The following STX8 variants were observed in gnomAD, a reference collection of about 807,000 sequenced individuals.
The protein encoded by STX8 is syntaxin 8.
Under a neutral mutation model 37.5 loss-of-function variants are expected in STX8, and 23 were observed. That is an observed-to-expected ratio of 0.61 (90% CI 0.44 to 0.87). STX8 has a LOEUF of 0.87. STX8 is among the 40% of genes least tolerant of loss of function. The probability of loss-of-function intolerance (pLI) is 0.00; values close to 1 mark genes in which losing one functional copy is unlikely to be tolerated. For missense variants in STX8, 313 were observed against 284.7 expected (o/e 1.10, Z -0.71); for synonymous variants, 115 against 99.1 (o/e 1.16, Z -0.95).
chr17:9,525,919 T>G (rs1415314460), intron 4 of STX8, among the ~76,000 whole-genome samples: 2 of 152,218 alleles, frequency 1.3e-5, no homozygotes, highest in African/African-American at 4.8e-5. Flanking sequence ...ATGGTTACCT[T>G]CATTTTCCTG....
intron 6 of STX8, among the ~76,000 whole-genome samples, chr17:9,391,540 A>C (rs1356177813): frequency 6.6e-6 from 1 of 152,150 alleles, no homozygotes; most frequent in Admixed American, 6.6e-5. Context: ...AGCAACAAAA[A>C]AGCAAAACAA....
intron 4 of STX8, among the ~76,000 whole-genome samples, chr17:9,538,221 T>C (rs1234719930): frequency 4.6e-5 from 7 of 152,188 alleles, no homozygotes; most frequent in Non-Finnish European, 8.8e-5. Flanking sequence ...TCAGAAAAGC[T>C]AGGACGTCAC....
chr17:9,492,234 C>T (rs1465552436), intron 5 of STX8, among the ~76,000 whole-genome samples: 1 of 151,948 alleles, frequency 6.6e-6, no homozygotes, highest in Non-Finnish European at 1.5e-5. Context: ...ACTGAATATC[C>T]CAATTTTTTA....
intron 2 of STX8, among the ~76,000 whole-genome samples, chr17:9,560,232 T>C (rs1907170859): frequency 6.6e-6 from 1 of 150,676 alleles, no homozygotes. Flanking sequence ...ACCCTGTCAC[T>C]ACTAAAAATA....
chr17:9,545,886 T>G (rs1234853391), intron 3 of STX8, among the ~76,000 whole-genome samples: 1 of 152,204 alleles, frequency 6.6e-6, no homozygotes, highest in Non-Finnish European at 1.5e-5. Flanking sequence ...CCAGCCCCAG[T>G]GACCAAATTT....
At chr17:9,311,081 A>G (rs932713015) in intron 7 of STX8, among the ~76,000 whole-genome samples, 6 of 152,114 alleles carry the variant, frequency 3.9e-5, no homozygotes, top group Admixed American at 1.3e-4. Flanking sequence ...TACTAAAAAT[A>G]CAAAAATTAG....
chr17:9,419,015 C>T (rs976798437), intron 6 of STX8, among the ~76,000 whole-genome samples: 1 of 150,586 alleles, frequency 6.6e-6, no homozygotes, highest in Non-Finnish European at 1.5e-5. Flanking sequence ...CCTCAACCTC[C>T]TGGGCTCAAG....
At chr17:9,445,473 C>A in intron 6 of STX8, among the ~76,000 whole-genome samples, 1 of 51,744 alleles carries the variant, frequency 1.9e-5, no homozygotes, top group South Asian at 6.9e-4. Context: ...TTTTAGAATG[C>A]GAAGAGTGGT....
At chr17:9,367,034 G>A (rs1268476345) in intron 7 of STX8, among the ~76,000 whole-genome samples, 2 of 152,108 alleles carry the variant, frequency 1.3e-5, no homozygotes, top group Non-Finnish European at 2.9e-5. Context: ...GTTGGGGTGG[G>A]GGATGGTTTC....
chr17:9,434,831 T>C (rs992764674), intron 6 of STX8, among the ~76,000 whole-genome samples: 1 of 152,082 alleles, frequency 6.6e-6, no homozygotes, highest in Non-Finnish European at 1.5e-5. Context: ...AAGAGGTGGG[T>C]TATTTAGACC....
At chr17:9,536,300 C>T (rs1438419823) in intron 4 of STX8, among the ~76,000 whole-genome samples, 5 of 152,080 alleles carry the variant, frequency 3.3e-5, no homozygotes, top group South Asian at 2.1e-4. Flanking sequence ...AAGGGAAAGC[C>T]GACATCGAGT....
In STX8 at chr17:9,492,833, C is replaced by T. The variant is rs558983570; in HGVS notation, c.449-912G>A. On this transcript the variant is annotated intron_variant, in intron 5 of 7. Transcript: ENST00000306357. Reference sequence around the variant, plus strand: ...CCAGGCAGCCAGTCGCGGTGGCTCACGCCTGTAATCCCAGCACTTTGAGAG... The same window carrying T: ...CCAGGCAGCCAGTCGCGGTGGCTCATGCCTGTAATCCCAGCACTTTGAGAG... 7.2e-5 allele frequency among the ~76,000 whole-genome samples: 11 copies of T among 152,236 alleles called. 1 individual carries two copies. Among genetic ancestry groups the T allele is most frequent in the Admixed American group, 1.3e-4 (2 of 15,290 alleles).
At chr17:9,526,328 C>T (rs544738339) in intron 4 of STX8, among the ~76,000 whole-genome samples, 2 of 152,158 alleles carry the variant, frequency 1.3e-5, no homozygotes, top group South Asian at 2.1e-4. Context: ...GTTATAACAC[C>T]GTATCAGAAA....
intron 2 of STX8, among the ~76,000 whole-genome samples, chr17:9,562,050 A>C (rs918568138): frequency 7.9e-5 from 12 of 151,964 alleles, no homozygotes; most frequent in Non-Finnish European, 1.5e-4. Context: ...AACAGCAAAA[A>C]CTTAGATATG....
chr17:9,322,451 G>A (rs1909605662), intron 7 of STX8, among the ~76,000 whole-genome samples: 1 of 152,160 alleles, frequency 6.6e-6, no homozygotes, highest in Admixed American at 6.5e-5. Flanking sequence ...GAAGGAGGAG[G>A]CCCACAGGGG....
chr17:9,540,755 C>T (rs543666515), intron 4 of STX8: 1 of 152,324 alleles, frequency 6.6e-6, no homozygotes, highest in South Asian at 2.1e-4. Context: ...CTTCTAGAAC[C>T]TTATTCTGAA....
rs1258542572 is a variant in STX8, at chr17:9,488,815, A to T, written c.541+3014T>A. 6.1e-5 allele frequency among the ~76,000 whole-genome samples: 6 copies of T among 97,810 alleles called. No homozygotes were observed. In the South Asian group the frequency reaches 1.6e-3, roughly 26 times the overall value. 64.2% of individuals were successfully genotyped at this position (97,810 alleles called of 152,430 possible). ...TTAAGAGAGAAAGAGAGAGAGAGAG[A>T]GAGAGAGTGTGTGTGTGTGTGTGTG... On this transcript the variant is annotated intron_variant, in intron 6 of 7. Transcript: ENST00000306357.
chr17:9,316,502 A>C (rs537362729), intron 7 of STX8, among the ~76,000 whole-genome samples: 114 of 152,230 alleles, frequency 7.5e-4, no homozygotes, highest in African/African-American at 2.6e-3. Context: ...CTCCACAAAA[A>C]CCCAAAAGTA....
rs77998553 is a variant in STX8 at position 9,512,237 on chromosome 17, A to G, written c.324-7075T>C. Among the ~76,000 whole-genome samples the G allele has an allele frequency of 4.8e-3, 737 of 152,288 alleles. 3 individuals are homozygous for G. The highest frequency in any genetic ancestry group is 0.017 in the African/African-American group (693 of 41,570). ...AACATTCTTCACAGCAATAGAAAAA[A>G]ATCTTAAAAATCTGCATGGAACCAC... is the stretch of plus-strand genomic sequence containing the variant. On this transcript the variant is annotated intron_variant, in intron 4 of 7. Transcript: ENST00000306357.
Sources: allele counts gnomAD v4.1 joint callset (sites outside exome capture counted in the v4.1 genomes callset), GRCh38; gene constraint gnomAD v4.1.1; transcripts MANE v1.5; gene names NCBI Gene and HGNC (gene_info 2026-07-23, HGNC 2026-07-21).